Variants in SLC39A14 observed in about 807,000 individuals in gnomAD.
SLC39A14 encodes the protein metal cation symporter ZIP14.
SLC39A14 carries 19 observed loss-of-function variants against 45.5 expected under a neutral mutation model. The observed-to-expected ratio is 0.42, with a 90% CI of 0.29 to 0.61. The LOEUF is 0.61. SLC39A14 is among the 20% of genes least tolerant of loss of function. The pLI is 0.22. For missense variants in SLC39A14, 447 were observed against 616.5 expected, an observed-to-expected ratio of 0.73 and a Z score of 2.91; for synonymous variants, 264 against 251.3, an observed-to-expected ratio of 1.05 and a Z score of -0.48.
chr8:22,422,382 T>C lies in SLC39A14; in HGVS notation c.*2684T>C. ...GCTATTCTTCACTGGTCCTTAACCT[T>C]GGGTTTTAAAAAGAAGGCTTCTCTG... On this transcript the variant is annotated 3_prime_UTR_variant, in exon 9 of 9. Transcript: ENST00000381237. 2.0e-6 allele frequency: 2 copies of C among 985,888 alleles called. No individual in the cohort carries two copies. Among genetic ancestry groups the C allele is most frequent in the Non-Finnish European group, 2.4e-6 (2 of 829,944 alleles). 61.1% of individuals were successfully genotyped at this position (985,888 alleles called of 1,614,324 possible).
intron 1 of SLC39A14, among the ~76,000 whole-genome samples, chr8:22,383,964 C>T (rs1833649064): frequency 6.6e-6 from 1 of 152,146 alleles, no homozygotes; most frequent in Non-Finnish European, 1.5e-5. Context: ...CAGGCCCGGG[C>T]TGCTGACCAA....
intron 1 of SLC39A14, among the ~76,000 whole-genome samples, chr8:22,372,048 T>G (rs973511682): frequency 6.6e-6 from 1 of 152,100 alleles, no homozygotes; most frequent in African/African-American, 2.4e-5. Context: ...CCGGCCCCTT[T>G]ATTTTATCTT....
intron 1 of SLC39A14, among the ~76,000 whole-genome samples, chr8:22,395,713 G>A (rs1834346413): frequency 6.6e-6 from 1 of 152,158 alleles, no homozygotes; most frequent in South Asian, 2.1e-4. Flanking sequence ...TGGAACTGAT[G>A]TTTTAATGAG....
chr8:22,401,932 C>T (rs56939496), intron 1 of SLC39A14, among the ~76,000 whole-genome samples: 30 of 152,190 alleles, frequency 2.0e-4, no homozygotes, highest in South Asian at 2.1e-4. Flanking sequence ...TAGCTGCATA[C>T]TATTCCATGA....
intron 1 of SLC39A14, among the ~76,000 whole-genome samples, chr8:22,391,152 C>T (rs57210246): frequency 0.13 from 20,433 of 152,138 alleles, 1,394 homozygotes; most frequent in East Asian, 0.18. Flanking sequence ...ATTTAATATC[C>T]TGTACAAAAC....
At chr8:22,374,834 C>G (rs1833126431) in intron 1 of SLC39A14, among the ~76,000 whole-genome samples, 1 of 150,638 alleles carries the variant, frequency 6.6e-6, no homozygotes, top group Admixed American at 6.6e-5. Context: ...GAAACCTCCC[C>G]TCCTGAGCTC....
At chr8:22,400,621 G>A (rs1469098962) in intron 1 of SLC39A14, among the ~76,000 whole-genome samples, 1 of 152,170 alleles carries the variant, frequency 6.6e-6, no homozygotes, top group African/African-American at 2.4e-5. Flanking sequence ...TTTACAAACC[G>A]TCGTTGTGGC....
At chr8:22,391,093 C>G (rs570012311) in intron 1 of SLC39A14, among the ~76,000 whole-genome samples, 40 of 152,342 alleles carry the variant, frequency 2.6e-4, no homozygotes, top group Non-Finnish European at 5.7e-4. Flanking sequence ...GCTCCTGGGA[C>G]TTAGCCTAGA....
At chr8:22,385,307 T>G (rs1833733524) in intron 1 of SLC39A14, among the ~76,000 whole-genome samples, 1 of 152,076 alleles carries the variant, frequency 6.6e-6, no homozygotes, top group Non-Finnish European at 1.5e-5. Flanking sequence ...ATGCTTTCAG[T>G]GGGTGTTGTT....
At chr8:22,412,241 C>T in intron 4 of SLC39A14, 35 bp downstream of exon 4, 1 of 1,545,422 alleles carries the variant, frequency 6.5e-7, no homozygotes, top group Non-Finnish European at 8.7e-7. Context: ...CCGGAGCATG[C>T]CGGCGGGCAC....
chr8:22,426,885 ATAT>A (rs569399564), downstream of SLC39A14, among the ~76,000 whole-genome samples: 810 of 152,114 alleles, frequency 5.3e-3, 2 homozygotes, highest in Admixed American at 9.1e-3. Context: ...GGTTTTCGCC[ATAT>A]TGGCCAGGCT....
chr8:22,373,819 C>G lies in SLC39A14; in HGVS notation c.-16+6411C>G, dbSNP rs915343345. On this transcript the variant is annotated intron_variant, in intron 1 of 8. Coordinates refer to ENST00000381237, the MANE Select transcript of SLC39A14 (RefSeq NM_001128431.4). The stretch of plus-strand genomic sequence containing the variant: ...TCTCTCTGTCACCCAGGCGGGAGTG[C>G]AGTAGCGCAATCTCACCGCAACCTA... Among the ~76,000 whole-genome samples the G allele has an allele frequency of 7.3e-5, 11 of 149,962 alleles. No homozygotes were observed. In the South Asian group the frequency reaches 2.3e-3, roughly 32 times the overall value.
intron 1 of SLC39A14, among the ~76,000 whole-genome samples, chr8:22,372,278 A>G (rs1318758765): frequency 6.6e-6 from 1 of 152,166 alleles, no homozygotes; most frequent in Non-Finnish European, 1.5e-5. Flanking sequence ...GACGGTAAAA[A>G]ACAGCAAAAC....
intron 1 of SLC39A14, among the ~76,000 whole-genome samples, chr8:22,385,339 A>G (rs1586661049): frequency 6.6e-6 from 1 of 152,292 alleles, no homozygotes; most frequent in East Asian, 1.9e-4. Context: ...ACCAGGTACT[A>G]CCCGGCCCTC....
intron 1 of SLC39A14, chr8:22,398,637 A>C (rs1246288377): frequency 1.1e-5 from 9 of 832,180 alleles, no homozygotes; most frequent in Non-Finnish European, 1.3e-5. Flanking sequence ...TCTATGCCCA[A>C]CCTCTAGACC....
rs1836228499 is a variant in SLC39A14 at position 22,421,539 on chromosome 8, G to A, written c.*1841G>A. 1 of 985,348 alleles carries A rather than the reference G, an allele frequency of 1.0e-6. No homozygotes were observed. The highest frequency in any genetic ancestry group is 1.2e-6 in the Non-Finnish European group (1 of 829,604). 61.0% of individuals were successfully genotyped at this position (985,348 alleles called of 1,614,324 possible). ...TTACCAAAGAACCAATTCCTTGAAT[G>A]TTGGAATCTAACTTTTTATATTGTC... is the stretch of plus-strand genomic sequence containing the variant. On this transcript the variant is annotated 3_prime_UTR_variant, in exon 9 of 9. Transcript: ENST00000381237.
intron 1 of SLC39A14, among the ~76,000 whole-genome samples, chr8:22,371,414 CT>C (rs373230777): frequency 1.0e-3 from 125 of 120,004 alleles, no homozygotes; most frequent in Admixed American, 1.9e-3. Flanking sequence ...AAATACATGT[CT>C]TTTTTTTTTT....
At chr8:22,418,327 T>G (rs1451129771) in intron 8 of SLC39A14, among the ~76,000 whole-genome samples, 3 of 152,196 alleles carry the variant, frequency 2.0e-5, no homozygotes, top group Non-Finnish European at 4.4e-5. Flanking sequence ...GAGGAAAAGT[T>G]TATGTTTTTG....
chr8:22,367,515 G>T lies in SLC39A14; in HGVS notation c.-16+107G>T, dbSNP rs180930415. ...CGGGGACAGCCCTGCGCCGAGGACC[G>T]GGCGCCGCTCCCGGGCACCGGCACA... On this transcript the variant is annotated intron_variant, in intron 1 of 8. Coordinates refer to ENST00000381237, the MANE Select transcript of SLC39A14 (RefSeq NM_001128431.4). The surrounding 1 kb of genome is among the most constrained non-coding windows in gnomAD (Gnocchi z 4.2). The T allele has an allele frequency of 1.3e-5, 2 of 152,380 alleles. No homozygotes were observed. The highest frequency in any genetic ancestry group is 1.9e-4 in the East Asian group (1 of 5,166). The allele number at this position is 152,380 out of a possible 1,614,324, so 9.4% of individuals were successfully genotyped here. A position where few individuals can be genotyped will look rare whatever the true frequency, so the allele number is the denominator to read the frequency against.
Sources: allele counts gnomAD v4.1 joint callset (sites outside exome capture counted in the v4.1 genomes callset), GRCh38; gene constraint gnomAD v4.1.1; non-coding constraint Gnocchi (gnomAD v3.1); transcripts MANE v1.5; gene names NCBI Gene and HGNC (gene_info 2026-07-23, HGNC 2026-07-21).